Variants in MCUB observed in about 807,000 individuals in gnomAD.
The protein encoded by MCUB is calcium uniporter regulatory subunit MCUb, mitochondrial.
A neutral mutation model predicts 41.4 loss-of-function variants in MCUB; 46 were observed. The ratio of observed to expected loss-of-function variants is 1.11; its 90% CI spans 0.88 to 1.42. The LOEUF (loss-of-function observed/expected upper bound fraction) is 1.42, where lower values mean the gene tolerates loss of function less well. MCUB is among the 40% of genes most tolerant of loss of function. The pLI, the probability that MCUB is intolerant of heterozygous loss-of-function variation, is 0.00. For synonymous variants in MCUB, 148 were observed against 148.2 expected (o/e 1.00, Z 0.01); for missense variants, 403 against 404.9 (o/e 1.00, Z 0.04).
intron 1 of MCUB, among the ~76,000 whole-genome samples, chr4:109,625,539 G>A (rs549168106): frequency 6.6e-6 from 1 of 152,344 alleles, no homozygotes; most frequent in African/African-American, 2.4e-5. Flanking sequence ...GCACATTTGA[G>A]TTGTAAGCTA....
chr4:109,654,511 T>G (rs1421998649), intron 1 of MCUB, among the ~76,000 whole-genome samples: 3 of 151,950 alleles, frequency 2.0e-5, no homozygotes, highest in Non-Finnish European at 4.4e-5. Flanking sequence ...CTCGAGAGGG[T>G]GAGGCAGGAG....
At chr4:109,679,724 A>C (rs1729672945) in intron 4 of MCUB, among the ~76,000 whole-genome samples, 1 of 152,242 alleles carries the variant, frequency 6.6e-6, no homozygotes, top group Non-Finnish European at 1.5e-5. Context: ...TAGTGGACTC[A>C]GACAAGCAGT....
intron 1 of MCUB, among the ~76,000 whole-genome samples, chr4:109,586,765 C>T (rs1727316008): frequency 6.6e-6 from 1 of 152,192 alleles, no homozygotes; most frequent in Non-Finnish European, 1.5e-5. Flanking sequence ...ACCCTGTTTG[C>T]CTGGGTATCA....
At chr4:109,670,317 G>A in intron 4 of MCUB, among the ~76,000 whole-genome samples, 1 of 142,892 alleles carries the variant, frequency 7.0e-6, no homozygotes, top group East Asian at 1.9e-4. Context: ...GTTACAGGTT[G>A]CTGAAGTTGG....
At chr4:109,660,626 G>A (rs914930372) in intron 3 of MCUB, among the ~76,000 whole-genome samples, 6 of 152,016 alleles carry the variant, frequency 3.9e-5, no homozygotes, top group African/African-American at 1.4e-4. Flanking sequence ...AGACCAGCCC[G>A]ACCAACATGG....
At chr4:109,650,878 G>T (rs1340509231) in intron 1 of MCUB, among the ~76,000 whole-genome samples, 1 of 152,128 alleles carries the variant, frequency 6.6e-6, no homozygotes, top group Admixed American at 6.5e-5. Context: ...TTATTTTGTA[G>T]AATGCCTCTG....
intron 1 of MCUB, among the ~76,000 whole-genome samples, chr4:109,653,162 G>C (rs1441936207): frequency 2.0e-5 from 3 of 152,084 alleles, no homozygotes; most frequent in African/African-American, 7.2e-5. Flanking sequence ...GGATCGCGAG[G>C]TTAGGAGTTC....
chr4:109,616,064 T>C (rs1728119410), intron 1 of MCUB, among the ~76,000 whole-genome samples: 1 of 152,200 alleles, frequency 6.6e-6, no homozygotes, highest in South Asian at 2.1e-4. Flanking sequence ...AAATTTAAGT[T>C]CCAAAAGGAT....
At chr4:109,672,290 C>T (rs757967432) in intron 4 of MCUB, among the ~76,000 whole-genome samples, 35 of 152,098 alleles carry the variant, frequency 2.3e-4, no homozygotes, top group Non-Finnish European at 4.4e-4. Flanking sequence ...GTTATTTTTC[C>T]TTCCCTCCTG....
At chr4:109,589,889 G>T (rs1377627755) in intron 1 of MCUB, among the ~76,000 whole-genome samples, 1 of 152,146 alleles carries the variant, frequency 6.6e-6, no homozygotes. Context: ...ATCAGACATG[G>T]CTTTTATTTA....
chr4:109,624,399 A>C, intron 1 of MCUB, among the ~76,000 whole-genome samples: 1 of 152,222 alleles, frequency 6.6e-6, no homozygotes. Context: ...TGCTATCCAG[A>C]ATATCACTGG....
chr4:109,653,256 G>A (rs1001443722), intron 1 of MCUB, among the ~76,000 whole-genome samples: 1 of 151,936 alleles, frequency 6.6e-6, no homozygotes, highest in Non-Finnish European at 1.5e-5. Flanking sequence ...GCATGCACCC[G>A]TAATCCCAGC....
chr4:109,581,446 C>T (rs1727171797), intron 1 of MCUB, among the ~76,000 whole-genome samples: 1 of 152,256 alleles, frequency 6.6e-6, no homozygotes, highest in Admixed American at 6.5e-5. Flanking sequence ...AAAACCTAGG[C>T]AATACCATTC....
chr4:109,673,875 A>G (rs900392421), intron 4 of MCUB: 2 of 772,024 alleles, frequency 2.6e-6, no homozygotes, highest in African/African-American at 3.4e-5. Flanking sequence ...CTCTTCCTTC[A>G]TATGAGGAAT....
At chr4:109,662,918 T>C (rs1464350242) in intron 3 of MCUB, among the ~76,000 whole-genome samples, 1 of 152,196 alleles carries the variant, frequency 6.6e-6, no homozygotes. Flanking sequence ...TTTTGCCCAT[T>C]GTGTGGGTTG....
rs186556060 is a variant in MCUB, at chr4:109,562,949, G to A, written c.99+2513G>A. ...TTAAAGAACACATTTAGTCTGAAGCGTAGTAGAGCAAGAGCATATTGTATT... is the reference window on the plus strand; with the variant it reads ...TTAAAGAACACATTTAGTCTGAAGCATAGTAGAGCAAGAGCATATTGTATT... On this transcript the variant is annotated intron_variant, in intron 1 of 7. Coordinates refer to ENST00000394650, the MANE Select transcript of MCUB (RefSeq NM_017918.5). 1.5e-3 allele frequency among the ~76,000 whole-genome samples: 228 copies of A among 152,348 alleles called. No homozygotes were observed. In the Middle Eastern group the frequency reaches 0.017, roughly 11 times the overall value.
chr4:109,674,209 T>A, intron 4 of MCUB: 1 of 790,750 alleles, frequency 1.3e-6, no homozygotes, highest in Middle Eastern at 3.6e-4. Context: ...GGAAATAAAC[T>A]AATTTGTATG....
intron 1 of MCUB, among the ~76,000 whole-genome samples, chr4:109,600,797 T>A (rs1727713157): frequency 6.6e-6 from 1 of 152,020 alleles, no homozygotes; most frequent in Non-Finnish European, 1.5e-5. Flanking sequence ...ATTATATATA[T>A]ATATTTTTTT....
chr4:109,565,328 T>TA (rs1394541414), intron 1 of MCUB, among the ~76,000 whole-genome samples: 3 of 152,232 alleles, frequency 2.0e-5, no homozygotes, highest in African/African-American at 7.2e-5. Context: ...ACTGTCTGTA[T>TA]AATATACACT....
Sources: gnomAD v4.1 joint callset for allele counts (sites outside exome capture counted in the v4.1 genomes callset) on GRCh38, gnomAD v4.1.1 for gene constraint, MANE v1.5 for transcripts, NCBI Gene and HGNC (gene_info 2026-07-23, HGNC 2026-07-21) for gene names.